ECE1: variants seen among roughly 807,000 people sequenced by gnomAD.
ECE1 encodes the protein endothelin converting enzyme 1.
A neutral mutation model predicts 98.6 loss-of-function variants in ECE1; 35 were observed. The ratio of observed to expected loss-of-function variants is 0.35; its 90% CI spans 0.27 to 0.47. The LOEUF is 0.47. Ranked by LOEUF, ECE1 falls within the 20% of genes least tolerant of loss-of-function variation. ECE1 has a pLI of 1.00. For synonymous variants in ECE1, 394 were observed against 407.1 expected, an observed-to-expected ratio of 0.97 and a Z score of 0.39; for missense variants, 814 against 1,025.3, an observed-to-expected ratio of 0.79 and a Z score of 2.81.
intron 1 of ECE1, among the ~76,000 whole-genome samples, chr1:21,337,385 T>C (rs1639322807): frequency 6.6e-6 from 1 of 152,038 alleles, no homozygotes; most frequent in Non-Finnish European, 1.5e-5. Flanking sequence ...CAGGCCAAAC[T>C]AGAGGGCCAG....
Position 21,220,194 on chromosome 1 carries a change from C to A in ECE1, c.2137-63G>T. ...GGGGCCCTCGGGCTGCCAGACTGCC[C>A]CCATTATAACAGCAGGGGAGGCCAG... is the stretch of plus-strand genomic sequence containing the variant. On this transcript the variant is annotated intron_variant, in intron 18 of 18. Coordinates refer to ENST00000374893, the MANE Select transcript of ECE1 (RefSeq NM_001397.3). The surrounding 1 kb of genome is among the most constrained non-coding windows in gnomAD (Gnocchi z 5.0). 1 of 1,546,410 alleles carries A rather than the reference C, an allele frequency of 6.5e-7. No homozygotes were observed. Among genetic ancestry groups the A allele is most frequent in the Non-Finnish European group, 8.8e-7 (1 of 1,141,556 alleles).
chr1:21,267,820 A>G (rs1279134555), intron 4 of ECE1, among the ~76,000 whole-genome samples: 1 of 152,206 alleles, frequency 6.6e-6, no homozygotes, highest in East Asian at 1.9e-4. Context: ...ACTCAATTAG[A>G]CAGCAGGTAT....
At chr1:21,339,893 A>T (rs1355549901) in intron 1 of ECE1, among the ~76,000 whole-genome samples, 2 of 152,146 alleles carry the variant, frequency 1.3e-5, no homozygotes, top group Non-Finnish European at 2.9e-5. Context: ...CAGGGGCCCA[A>T]GGAAAGGGCA....
At position 21,322,700 on chromosome 1, in the gene ECE1, G is replaced by GAGGAGAGGCAC. The variant is rs900746841; in HGVS notation, c.3+22665_3+22675dup. Among the ~76,000 whole-genome samples, 1 of 152,234 alleles carries GAGGAGAGGCAC rather than the reference G, an allele frequency of 6.6e-6. No homozygotes were observed. Among genetic ancestry groups the GAGGAGAGGCAC allele is most frequent in the African/African-American group, 2.4e-5 (1 of 41,450 alleles). On this transcript the variant is annotated intron_variant, in intron 1 of 18. Transcript: ENST00000415912. The surrounding 1 kb of genome is among the most constrained non-coding windows in gnomAD (Gnocchi z 4.1). ...AAGGACAAGAAAACCCAGCGATGGA[G>GAGGAGAGGCAC]AGGAGAGGCACAGGAAAGGGGGCAG...
chr1:21,285,288 C>A (rs185543353), intron 2 of ECE1, among the ~76,000 whole-genome samples: 2 of 152,288 alleles, frequency 1.3e-5, no homozygotes, highest in African/African-American at 4.8e-5. Flanking sequence ...CCCAGCTCCC[C>A]ACAGCATGGG....
chr1:21,232,504 C>T (rs867911031), intron 14 of ECE1, among the ~76,000 whole-genome samples: 7 of 151,774 alleles, frequency 4.6e-5, no homozygotes, highest in African/African-American at 1.7e-4. Flanking sequence ...CTCCCTATGT[C>T]GCCCAACCTG....
intron 1 of ECE1, among the ~76,000 whole-genome samples, chr1:21,300,099 C>T (rs967504716): frequency 3.3e-5 from 5 of 152,232 alleles, no homozygotes; most frequent in Non-Finnish European, 7.3e-5. Flanking sequence ...AGATCAGGGT[C>T]GGGTGGAAGC....
chr1:21,298,847 C>G, intron 1 of ECE1: 1 of 456,316 alleles, frequency 2.2e-6, no homozygotes, highest in South Asian at 1.5e-5. Flanking sequence ...CAGGTGTCAC[C>G]TCCCAGCTGG....
chr1:21,342,868 G>A (rs904120319), intron 1 of ECE1, among the ~76,000 whole-genome samples: 2 of 152,140 alleles, frequency 1.3e-5, no homozygotes, highest in African/African-American at 4.8e-5. Flanking sequence ...GACATCAGCC[G>A]CCACCCCATG....
At chr1:21,245,229 G>T in intron 9 of ECE1, 126 bp from the exon 10 acceptor site, 2 of 764,130 alleles carry the variant, frequency 2.6e-6, no homozygotes, top group Non-Finnish European at 4.5e-6. Flanking sequence ...CCAGCCTGCG[G>T]GGGCTTGGTG....
At chr1:21,297,694 G>A (rs1638396785) in intron 1 of ECE1, among the ~76,000 whole-genome samples, 1 of 149,416 alleles carries the variant, frequency 6.7e-6, no homozygotes, top group Non-Finnish European at 1.5e-5. Context: ...CCGCCACCAT[G>A]CCCGGCTAAT....
At position 21,233,606 on chromosome 1, in the gene ECE1, G is replaced by A; in HGVS notation, c.1622C>T (p.Ser541Leu). 6.2e-7 allele frequency: 1 copy of A among 1,614,000 alleles called. No individual in the cohort carries two copies. Among genetic ancestry groups the A allele is most frequent in the Non-Finnish European group, 8.5e-7 (1 of 1,180,000 alleles). ...GAGCTGATCGGCAGTGACCCTCCAT[G>A]AGAAGTTGAAAAACCGCATGGCATT... ...FENAMRFFNF[S>L]WRVTADQLRK... is the part of the protein sequence containing the mutation. Residue 541 changes from serine (S) to leucine (L), a missense_variant, in exon 14 of 19, where the codon TCA (serine) becomes TTA (leucine). Physicochemically the swap from Ser to Leu is moderately radical, Grantham distance 145. This residue lies in a region of ECE1 where 452 missense variants were observed against 567.3 expected (regional missense o/e 0.80). Transcript: ENST00000374893. This position sits in a 1 kb window ranked among gnomAD's most constrained non-coding sequence, Gnocchi z 4.0.
chr1:21,278,515 C>T (rs2098250232), intron 3 of ECE1, among the ~76,000 whole-genome samples: 1 of 152,222 alleles, frequency 6.6e-6, no homozygotes, highest in African/African-American at 2.4e-5. Context: ...GGCTTGAGCC[C>T]AGTAGCCTGT....
At chr1:21,336,746 G>A (rs1639311908) in intron 1 of ECE1, among the ~76,000 whole-genome samples, 1 of 152,192 alleles carries the variant, frequency 6.6e-6, no homozygotes, top group Non-Finnish European at 1.5e-5. Context: ...AGGAGGCTGA[G>A]GCAGGAGAAT....
At chr1:21,328,660 G>A (rs1403748570) in intron 1 of ECE1, among the ~76,000 whole-genome samples, 1 of 151,752 alleles carries the variant, frequency 6.6e-6, no homozygotes, top group African/African-American at 2.4e-5. Flanking sequence ...CTACTCAGGA[G>A]GTTGAGGCAG....
rs994973936 is a variant in ECE1, at chr1:21,345,273, C to T, written c.3+103G>A. Reference sequence around the variant, plus strand: ...GGCTGCTGCTGCAGCCGGCGCCCAGCCCCCCGCGAGCCAGGGCGGCCCCGG... The same window carrying T: ...GGCTGCTGCTGCAGCCGGCGCCCAGTCCCCCGCGAGCCAGGGCGGCCCCGG... On this transcript the variant is annotated intron_variant, in intron 1 of 18. Coordinates refer to the ECE1 transcript ENST00000415912. This position sits in a 1 kb window ranked among gnomAD's most constrained non-coding sequence, Gnocchi z 5.1. The T allele has an allele frequency of 6.6e-6, 8 of 1,214,570 alleles. No homozygotes were observed. Among genetic ancestry groups the T allele is most frequent in the South Asian group, 3.2e-5 (1 of 31,404 alleles). The allele number at this position is 1,214,570 out of a possible 1,614,324, so 75.2% of individuals were successfully genotyped here. A position where few individuals can be genotyped will look rare whatever the true frequency, so the allele number is the denominator to read the frequency against.
In ECE1 at chr1:21,290,437, C is replaced by G; in HGVS notation, c.-23G>C. ...CATGCTGTGCCCCAGACGCCTGGTCCCGCTGCCCGGGTGGCCGGGATGGGA... is the reference window on the plus strand; with the variant it reads ...CATGCTGTGCCCCAGACGCCTGGTCGCGCTGCCCGGGTGGCCGGGATGGGA... On this transcript the variant is annotated 5_prime_UTR_variant, in exon 1 of 19. Transcript: ENST00000374893. This position sits in a 1 kb window ranked among gnomAD's most constrained non-coding sequence, Gnocchi z 7.3. 1 of 1,230,374 alleles carries G rather than the reference C, an allele frequency of 8.1e-7. No homozygotes were observed. The highest frequency in any genetic ancestry group is 1.0e-6 in the Non-Finnish European group (1 of 987,410). 76.2% of individuals were successfully genotyped at this position (1,230,374 alleles called of 1,614,324 possible).
chr1:21,235,157 A>T lies in ECE1; in HGVS notation c.1566+693T>A, dbSNP rs765527702. 1.3e-4 allele frequency among the ~76,000 whole-genome samples: 20 copies of T among 152,244 alleles called. No homozygotes were observed. Among genetic ancestry groups the T allele is most frequent in the South Asian group, 6.2e-4 (3 of 4,828 alleles). The stretch of plus-strand genomic sequence containing the variant: ...AGAATGAGACCCTGTCTCAAAAAAA[A>T]TTTTTTCTTAAATACCTGAATTCAA... On this transcript the variant is annotated intron_variant, in intron 13 of 18. Transcript: ENST00000374893. This position sits in a 1 kb window ranked among gnomAD's most constrained non-coding sequence, Gnocchi z 4.2.
At chr1:21,329,418 T>A (rs1639148238) in intron 1 of ECE1, among the ~76,000 whole-genome samples, 1 of 152,188 alleles carries the variant, frequency 6.6e-6, no homozygotes, top group African/African-American at 2.4e-5. Context: ...GTATTCTTCC[T>A]GATGGCTTAA....
Sources: gnomAD v4.1 joint callset for allele counts (sites outside exome capture counted in the v4.1 genomes callset) on GRCh38, gnomAD v4.1.1 for gene constraint, gnomAD v4.1.1 regional missense constraint, Gnocchi (gnomAD v3.1) non-coding constraint, MANE v1.5 for transcripts, NCBI Gene and HGNC (gene_info 2026-07-23, HGNC 2026-07-21) for gene names.